Variants in ZNF713 observed in about 807,000 individuals in gnomAD.
ZNF713 encodes the protein zinc finger protein 713.
A neutral mutation model predicts 28.7 loss-of-function variants in ZNF713; 21 were observed. The observed-to-expected ratio is 0.73, with a 90% CI of 0.52 to 1.05. The LOEUF (loss-of-function observed/expected upper bound fraction) is 1.05. ZNF713 is among the 50% of genes least tolerant of loss of function. The pLI is 0.00. For synonymous variants in ZNF713, 167 were observed against 178.0 expected, an observed-to-expected ratio of 0.94 and a Z score of 0.49; for missense variants, 458 against 532.4, an observed-to-expected ratio of 0.86 and a Z score of 1.37.
At chr7:55,899,845 G>T (rs12534019) in intron 1 of ZNF713, among the ~76,000 whole-genome samples, 67,913 of 151,352 alleles carry the variant, frequency 0.45, 15,537 homozygotes, top group East Asian at 0.58. Flanking sequence ...AGGTTCAAGT[G>T]ATTCTTGTGC....
chr7:55,892,555 C>CAAAAAAAA (rs56338467), intron 1 of ZNF713, among the ~76,000 whole-genome samples: 187 of 74,318 alleles, frequency 2.5e-3, no homozygotes, highest in South Asian at 3.0e-3. Flanking sequence ...AAGCACTGAC[C>CAAAAAAAA]AAAAAAAAAA....
intron 6 of ZNF713, among the ~76,000 whole-genome samples, chr7:55,936,774 T>A (rs1445300511): frequency 3.3e-5 from 5 of 152,074 alleles, no homozygotes; most frequent in Non-Finnish European, 7.4e-5. Context: ...TTGGATCTTG[T>A]CAAGTAGGAT....
At chr7:55,928,820 T>C (rs552457093) in intron 6 of ZNF713, among the ~76,000 whole-genome samples, 25 of 152,214 alleles carry the variant, frequency 1.6e-4, no homozygotes, top group Admixed American at 1.6e-3. Flanking sequence ...CTACTATACA[T>C]GTAATACAAT....
chr7:55,889,586 T>G (rs970204745), intron 1 of ZNF713, among the ~76,000 whole-genome samples: 1 of 152,228 alleles, frequency 6.6e-6, no homozygotes, highest in Non-Finnish European at 1.5e-5. Context: ...AACTTGCGGC[T>G]CCCTGCCGCC....
intron 6 of ZNF713, among the ~76,000 whole-genome samples, chr7:55,935,260 T>C (rs754727935): frequency 3.3e-5 from 5 of 152,110 alleles, no homozygotes; most frequent in Non-Finnish European, 7.4e-5. Flanking sequence ...AGGATGTTCA[T>C]TGCATTATTG....
chr7:55,899,932 CAG>C (rs1239562482), intron 1 of ZNF713, among the ~76,000 whole-genome samples: 1 of 151,824 alleles, frequency 6.6e-6, no homozygotes, highest in African/African-American at 2.4e-5. Flanking sequence ...ATAATAGAGA[CAG>C]GGCTTCACCA....
intron 1 of ZNF713, among the ~76,000 whole-genome samples, chr7:55,894,961 TA>T (rs1785447154): frequency 6.6e-6 from 1 of 152,224 alleles, no homozygotes; most frequent in African/African-American, 2.4e-5. Flanking sequence ...CCTGAAAGGA[TA>T]AATCCCAAAA....
At chr7:55,922,397 G>T (rs1305002148) in intron 4 of ZNF713, among the ~76,000 whole-genome samples, 1 of 152,070 alleles carries the variant, frequency 6.6e-6, no homozygotes, top group Non-Finnish European at 1.5e-5. Flanking sequence ...ATATAGCTGG[G>T]CGTAGTGGTG....
chr7:55,911,229 C>T (rs973202579), intron 2 of ZNF713, among the ~76,000 whole-genome samples: 2 of 152,084 alleles, frequency 1.3e-5, no homozygotes, highest in African/African-American at 4.8e-5. Context: ...TCAGGTCAAC[C>T]TTTGTGAACA....
In ZNF713 at chr7:55,939,977, C is replaced by A. The variant is rs367652775; in HGVS notation, c.1303C>A (p.Arg435Ser). The change falls in exon 7 of 7, where the codon CGC becomes AGC. Residue 435 changes from arginine (R) to serine (S), a missense_variant. Arg to Ser is a moderately radical substitution (Grantham distance 110). Coordinates refer to ENST00000429591, the MANE Select transcript of ZNF713 (RefSeq NM_182633.3). ...TGAATATAAATGTGAGCAAACTGTTCGCCACAGTCCTTCATTTAGCAGCAC... is the reference window on the plus strand; with the variant it reads ...TGAATATAAATGTGAGCAAACTGTTAGCCACAGTCCTTCATTTAGCAGCAC... ...LCEYKCEQTV[R>S]HSPSFSST The A allele has an allele frequency of 1.3e-6, 2 of 1,596,082 alleles. No individual in the cohort carries two copies. The highest frequency in any genetic ancestry group is 2.7e-5 in the African/African-American group (2 of 74,388).
chr7:55,899,785 A>G (rs1785540200), intron 1 of ZNF713, among the ~76,000 whole-genome samples: 1 of 151,552 alleles, frequency 6.6e-6, no homozygotes, highest in African/African-American at 2.4e-5. Context: ...TCCATCAGCC[A>G]GGCTGGAGTG....
chr7:55,900,130 C>G (rs1034822687), intron 1 of ZNF713, among the ~76,000 whole-genome samples: 1 of 152,108 alleles, frequency 6.6e-6, no homozygotes, highest in Admixed American at 6.5e-5. Context: ...TCACTGTAGT[C>G]AAGATATGGA....
chr7:55,910,290 C>G lies in ZNF713; in HGVS notation c.-455-1326C>G, dbSNP rs1026334785. Among the ~76,000 whole-genome samples the G allele has an allele frequency of 2.6e-5, 4 of 152,208 alleles. No individual in the cohort carries two copies. The East Asian group carries it at 5.8e-4, about 22-fold the overall frequency. On this transcript the variant is annotated intron_variant, in intron 2 of 6. Transcript: ENST00000429591. ...CAGTGTGAATATCCTTTATTTCTTT[C>G]TCTTGCCTGATTGCTGTGGCCAGGA...
At chr7:55,932,524 C>CAAA (rs34793484) in intron 6 of ZNF713, among the ~76,000 whole-genome samples, 3 of 120,708 alleles carry the variant, frequency 2.5e-5, no homozygotes, top group African/African-American at 9.2e-5. Context: ...GACCCTGTCT[C>CAAA]AAAAAAAAAA....
At chr7:55,894,311 G>T (rs1003950833) in intron 1 of ZNF713, among the ~76,000 whole-genome samples, 3 of 152,184 alleles carry the variant, frequency 2.0e-5, no homozygotes, top group African/African-American at 7.2e-5. Flanking sequence ...ATCCAGTTCT[G>T]CTGAGTTAAT....
intron 6 of ZNF713, among the ~76,000 whole-genome samples, chr7:55,932,447 C>T (rs1311994442): frequency 6.6e-6 from 1 of 150,812 alleles, no homozygotes; most frequent in Non-Finnish European, 1.5e-5. Context: ...ATCACTTGAG[C>T]CCAGGAGGTC....
intron 1 of ZNF713, among the ~76,000 whole-genome samples, chr7:55,905,522 A>T (rs1027612067): frequency 2.0e-5 from 3 of 152,132 alleles, no homozygotes; most frequent in East Asian, 3.9e-4. Context: ...AATTTAGCAC[A>T]CTTTGGGAAA....
chr7:55,887,832 G>GGC (rs1174944089), intron 1 of ZNF713, among the ~76,000 whole-genome samples, 152 bp downstream of exon 1: 1 of 25,266 alleles, frequency 4.0e-5, no homozygotes. Context: ...GGCGGGCGGC[G>GGC]GGCGGCGGGC....
intron 1 of ZNF713, among the ~76,000 whole-genome samples, chr7:55,892,741 G>A (rs946780143): frequency 1.3e-5 from 2 of 151,198 alleles, no homozygotes; most frequent in Non-Finnish European, 3.0e-5. Context: ...GCGTGGTGGC[G>A]GAAGCCTATA....
Sources: gnomAD v4.1 joint callset for allele counts (sites outside exome capture counted in the v4.1 genomes callset) on GRCh38, gnomAD v4.1.1 for gene constraint, MANE v1.5 for transcripts, NCBI Gene and HGNC (gene_info 2026-07-23, HGNC 2026-07-21) for gene names.